Variants in AUTS2 observed in about 807,000 individuals in gnomAD.
The protein encoded by AUTS2 is autism susceptibility gene 2 protein.
Under a neutral mutation model 112.4 loss-of-function variants are expected in AUTS2, and 17 were observed. The observed-to-expected ratio is 0.15, with a 90% CI of 0.10 to 0.23. The LOEUF is 0.23. AUTS2 is among the 10% of genes least tolerant of loss of function. The pLI is 1.00. For synonymous variants in AUTS2, 751 were observed against 702.7 expected (o/e 1.07, Z -1.09); for missense variants, 1,510 against 1,701.6 (o/e 0.89, Z 1.98).
intron 5 of AUTS2, among the ~76,000 whole-genome samples, chr7:70,555,189 C>T (rs949335767): frequency 6.6e-6 from 1 of 152,132 alleles, no homozygotes; most frequent in African/African-American, 2.4e-5. Context: ...AAAACAGTGC[C>T]CACCCATCTT....
chr7:69,943,326 A>G (rs1353898808), intron 2 of AUTS2, among the ~76,000 whole-genome samples: 1 of 152,218 alleles, frequency 6.6e-6, no homozygotes, highest in African/African-American at 2.4e-5. Flanking sequence ...AGCTTTTATT[A>G]TTTTAGAGTA....
At chr7:69,702,408 CAGTG>C (rs959217419) in intron 1 of AUTS2, among the ~76,000 whole-genome samples, 2 of 152,100 alleles carry the variant, frequency 1.3e-5, no homozygotes, top group African/African-American at 4.8e-5. Context: ...TTTGAAAGGT[CAGTG>C]AGAAGTCTGT....
At chr7:70,570,967 C>T (rs1801913604) in intron 5 of AUTS2, among the ~76,000 whole-genome samples, 1 of 152,144 alleles carries the variant, frequency 6.6e-6, no homozygotes, top group African/African-American at 2.4e-5. Flanking sequence ...GCTGAACACA[C>T]CCTGCCCTGT....
intron 5 of AUTS2, among the ~76,000 whole-genome samples, chr7:70,609,350 G>A (rs1381509474): frequency 6.7e-6 from 1 of 148,594 alleles, no homozygotes; most frequent in Non-Finnish European, 1.5e-5. Context: ...TTGGTATAAT[G>A]TTCTCCAAGT....
At chr7:70,750,462 AG>A in intron 6 of AUTS2, among the ~76,000 whole-genome samples, 1 of 80,180 alleles carries the variant, frequency 1.2e-5, no homozygotes, top group East Asian at 5.3e-4. Flanking sequence ...TCCCAGGCTC[AG>A]GTGTTCCTCC....
rs867873083 is a variant in AUTS2 at position 70,681,233 on chromosome 7, G to A, written c.691-17336G>A. On this transcript the variant is annotated intron_variant, in intron 5 of 18. Coordinates refer to ENST00000342771, the MANE Select transcript of AUTS2 (RefSeq NM_015570.4). The stretch of plus-strand genomic sequence containing the variant: ...CCAGTTCAGGAGCAGATGGCTCTGC[G>A]TGGGGCATGGTGGTTTGGGAGAATC... 4.6e-5 allele frequency among the ~76,000 whole-genome samples: 7 copies of A among 152,322 alleles called. No individual in the cohort carries two copies. In the South Asian group the frequency reaches 1.2e-3, roughly 27 times the overall value.
chr7:70,690,602 T>C (rs1808706992), intron 5 of AUTS2, among the ~76,000 whole-genome samples: 3 of 152,234 alleles, frequency 2.0e-5, no homozygotes, highest in African/African-American at 7.2e-5. Flanking sequence ...TGCTAAAATA[T>C]ATTTAGCTTA....
At chr7:69,907,813 G>C (rs1795206338) in intron 2 of AUTS2, among the ~76,000 whole-genome samples, 1 of 152,136 alleles carries the variant, frequency 6.6e-6, no homozygotes, top group African/African-American at 2.4e-5. Context: ...GAAGAGAGAG[G>C]GTGGATTTTA....
At chr7:70,005,025 A>ATGTT (rs1227773434) in intron 2 of AUTS2, among the ~76,000 whole-genome samples, 1 of 151,916 alleles carries the variant, frequency 6.6e-6, no homozygotes, top group Non-Finnish European at 1.5e-5. Flanking sequence ...GGATTTCACC[A>ATGTT]TGTTGGCCAG....
At chr7:70,553,760 C>CTTTTTTTTTTTT (rs71531706) in intron 5 of AUTS2, among the ~76,000 whole-genome samples, 31 of 56,118 alleles carry the variant, frequency 5.5e-4, no homozygotes, top group African/African-American at 2.3e-3. Flanking sequence ...GCCTTTCTTT[C>CTTTTTTTTTTTT]TTTTTTTTTT....
chr7:70,414,947 G>A (rs1022295012), intron 4 of AUTS2, among the ~76,000 whole-genome samples: 1 of 152,154 alleles, frequency 6.6e-6, no homozygotes, highest in Non-Finnish European at 1.5e-5. Flanking sequence ...AAAGTTGGTG[G>A]GCTTCAGTTT....
rs144570599 is a variant in AUTS2, at chr7:69,650,214, C to G, written c.309+50252C>G. Among the ~76,000 whole-genome samples, 656 of 152,246 alleles carry G rather than the reference C, an allele frequency of 4.3e-3. 7 individuals carry two copies. Among genetic ancestry groups the G allele is most frequent in the African/African-American group, 0.015 (611 of 41,530 alleles). On this transcript the variant is annotated intron_variant, in intron 1 of 18. Coordinates refer to ENST00000342771, the MANE Select transcript of AUTS2 (RefSeq NM_015570.4). ...GGCCATTTTGGAAGCCTGGTACTAC[C>G]CACAGACTGGAGTATGTCCTAAGTA...
At chr7:69,945,373 C>T (rs762319478) in intron 2 of AUTS2, among the ~76,000 whole-genome samples, 3 of 152,152 alleles carry the variant, frequency 2.0e-5, no homozygotes, top group Non-Finnish European at 2.9e-5. Context: ...TGTTTTATGA[C>T]TGCCTTCATT....
intron 1 of AUTS2, among the ~76,000 whole-genome samples, chr7:69,714,034 A>G (rs1798461879): frequency 6.6e-6 from 1 of 151,672 alleles, no homozygotes; most frequent in African/African-American, 2.4e-5. Context: ...TCTATGATTC[A>G]TTTTGAATTA....
chr7:70,648,467 T>G (rs1490822536), intron 5 of AUTS2, among the ~76,000 whole-genome samples: 1 of 152,220 alleles, frequency 6.6e-6, no homozygotes, highest in African/African-American at 2.4e-5. Context: ...CAATGAGAGT[T>G]TCATGATCTT....
At chr7:70,194,894 A>G (rs2129584177) in intron 4 of AUTS2, 2 of 152,306 alleles carry the variant, frequency 1.3e-5, no homozygotes, top group East Asian at 3.9e-4. Flanking sequence ...CCCACATTAT[A>G]TAAGAGGTGT....
At chr7:70,760,548 G>T (rs138800942) in intron 6 of AUTS2, among the ~76,000 whole-genome samples, 59 of 152,340 alleles carry the variant, frequency 3.9e-4, no homozygotes, top group African/African-American at 1.3e-3. Flanking sequence ...ATAGCTTGCT[G>T]TGGGAAAATC....
At chr7:69,919,965 CA>C (rs1481524794) in intron 2 of AUTS2, among the ~76,000 whole-genome samples, 2 of 148,978 alleles carry the variant, frequency 1.3e-5, no homozygotes, top group African/African-American at 5.0e-5. Flanking sequence ...CCAGTGGGTA[CA>C]TTAGATTGAA....
intron 1 of AUTS2, among the ~76,000 whole-genome samples, chr7:69,876,528 A>G (rs866255218): frequency 0.22 from 11,982 of 54,884 alleles, 2,462 homozygotes; most frequent in African/African-American, 0.4. Context: ...ATATATATAT[A>G]TATATATATA....
Sources: gnomAD v4.1 joint callset for allele counts (sites outside exome capture counted in the v4.1 genomes callset) on GRCh38, gnomAD v4.1.1 for gene constraint, MANE v1.5 for transcripts, NCBI Gene and HGNC (gene_info 2026-07-23, HGNC 2026-07-21) for gene names.